Variants in HYKK observed in about 807,000 individuals in gnomAD.
HYKK encodes the protein hydroxylysine kinase, also known as 5-hydroxy-L-lysine kinase.
HYKK carries 19 observed loss-of-function variants against 29.7 expected under a neutral mutation model. That is an observed-to-expected ratio of 0.64 (90% CI 0.45 to 0.94). The LOEUF (loss-of-function observed/expected upper bound fraction) is 0.94, where lower values mean the gene tolerates loss of function less well. Ranked by LOEUF, HYKK falls within the 40% of genes least tolerant of loss-of-function variation. The probability of loss-of-function intolerance (pLI) is 0.00; values close to 1 mark genes in which losing one functional copy is unlikely to be tolerated. For missense variants in HYKK, 390 were observed against 443.4 expected (o/e 0.88, Z 1.08); for synonymous variants, 152 against 158.1 (o/e 0.96, Z 0.29).
At chr15:78,531,454 TA>T (rs2052311667) in intron 4 of HYKK, among the ~76,000 whole-genome samples, 1 of 152,214 alleles carries the variant, frequency 6.6e-6, no homozygotes, top group South Asian at 2.1e-4. Context: ...AAGCACATGT[TA>T]AAGTATATTT....
At position 78,515,141 on chromosome 15, in the gene HYKK, T is replaced by TAA. The variant is rs752986963; in HGVS notation, c.477+34_477+35insAA. The stretch of plus-strand genomic sequence containing the variant: ...TGGGGCTTTATTTTATTCTAAGGGA[T>TAA]GTTTGTTTGCTTGTTATTTTATTTT... On this transcript the variant is annotated intron_variant, in intron 3 of 4. Transcript: ENST00000388988. 184 of 1,473,130 alleles carry TAA rather than the reference T, an allele frequency of 1.2e-4. No homozygotes were observed. The African/African-American group carries it at 2.3e-3, about 18-fold the overall frequency. The allele number at this position is 1,473,130 out of a possible 1,614,324, so 91.3% of individuals were successfully genotyped here.
intron 2 of HYKK, among the ~76,000 whole-genome samples, chr15:78,513,939 G>T (rs1451927468): frequency 3.9e-5 from 6 of 152,066 alleles, no homozygotes; most frequent in African/African-American, 1.4e-4. Flanking sequence ...CTACAGGCAT[G>T]CATCACCACG....
At chr15:78,518,070 A>G (rs1478019353) in intron 3 of HYKK, among the ~76,000 whole-genome samples, 1 of 152,212 alleles carries the variant, frequency 6.6e-6, no homozygotes, top group East Asian at 1.9e-4. Flanking sequence ...TGGTCTCCCC[A>G]GACTCTCAAC....
At chr15:78,512,405 T>C (rs1218571451) in intron 1 of HYKK, among the ~76,000 whole-genome samples, 4 of 144,910 alleles carry the variant, frequency 2.8e-5, no homozygotes, top group Middle Eastern at 3.2e-3. Flanking sequence ...TTTTTCTTTT[T>C]TTTTTTTTTT....
chr15:78,516,993 T>G (rs1273954543), intron 3 of HYKK, among the ~76,000 whole-genome samples: 1 of 151,696 alleles, frequency 6.6e-6, no homozygotes, highest in Admixed American at 6.6e-5. Flanking sequence ...CACTCCAGCT[T>G]GGGTGACAGA....
chr15:78,513,240 A>G lies in HYKK; in HGVS notation c.152A>G (p.Tyr51Cys). ...PSYDDQNFHV[Y>C]VSKTKDGPTE... ...TATGATGACCAAAACTTTCATGTCT[A>G]CGTTTCAAAAACCAAAGATGGCCCA... The change falls in exon 2 of 5, where the codon TAC becomes TGC. Residue 51 changes from tyrosine to cysteine, a missense_variant. Tyr to Cys is a radical substitution (Grantham distance 194). Coordinates refer to ENST00000388988, the MANE Select transcript of HYKK (RefSeq NM_001013619.4). The G allele has an allele frequency of 2.5e-6, 4 of 1,614,212 alleles. No individual in the cohort carries two copies. The highest frequency in any genetic ancestry group is 3.4e-6 in the Non-Finnish European group (4 of 1,180,044).
chr15:78,520,715 G>A (rs2052184480), intron 3 of HYKK, among the ~76,000 whole-genome samples: 1 of 152,018 alleles, frequency 6.6e-6, no homozygotes, highest in African/African-American at 2.4e-5. Context: ...CCACAAAACC[G>A]CCATTGTCAT....
chr15:78,515,762 G>A (rs2052126519), intron 3 of HYKK, among the ~76,000 whole-genome samples: 1 of 151,960 alleles, frequency 6.6e-6, no homozygotes, highest in Non-Finnish European at 1.5e-5. Flanking sequence ...CTAATTTTTT[G>A]TATTTTTAGT....
rs771836129 is a variant in HYKK, at chr15:78,513,338, A to C, written c.250A>C (p.Ile84Leu). Residue 84 changes from isoleucine to leucine, a missense_variant, in exon 2 of 5, where the codon ATC (isoleucine) becomes CTC (leucine). Coordinates refer to ENST00000388988, the MANE Select transcript of HYKK (RefSeq NM_001013619.4). ...NPDLIEVQNH[I>L]IMFLKAAGFP... ...AGACCTGATTGAAGTGCAGAATCAC[A>C]TCATCATGTTTCTGAAAGCCGCTGG... is the stretch of plus-strand genomic sequence containing the variant. The C allele has an allele frequency of 6.2e-7, 1 of 1,614,120 alleles. No individual in the cohort carries two copies. Among genetic ancestry groups the C allele is most frequent in the African/African-American group, 1.3e-5 (1 of 74,952 alleles).
chr15:78,509,906 G>A (rs947269757), intron 1 of HYKK, among the ~76,000 whole-genome samples: 6 of 152,196 alleles, frequency 3.9e-5, no homozygotes, highest in Non-Finnish European at 2.9e-5. Flanking sequence ...TTGTCAAGAA[G>A]GCATTAACTT....
chr15:78,517,583 A>C (rs2052149457), intron 3 of HYKK, among the ~76,000 whole-genome samples: 1 of 152,174 alleles, frequency 6.6e-6, no homozygotes, highest in South Asian at 2.1e-4. Flanking sequence ...CATCTTAAAA[A>C]AAAAAGAAAA....
intron 3 of HYKK, among the ~76,000 whole-genome samples, chr15:78,517,118 TTTTTTTTTTTC>T (rs1246778544): frequency 6.7e-6 from 1 of 148,266 alleles, no homozygotes; most frequent in African/African-American, 2.5e-5. Flanking sequence ...TCTTTTTTTT[TTTTTTTTTTTC>T]GAGACAGAGT....
In HYKK at chr15:78,535,289, C is replaced by CTTTTTTTTTTTTTTTT. The variant is rs58709975; in HGVS notation, c.*1634_*1635insTTTTTTTTTTTTTTTT. On this transcript the variant is annotated 3_prime_UTR_variant, in exon 5 of 5. Transcript: ENST00000388988. Reference sequence around the variant, plus strand: ...ATTTCTTTTTCTTTTCTTTTCTTTTCTTTTTTTTTTTTTTTGGTGGTGGGG... The same window carrying CTTTTTTTTTTTTTTTT: ...ATTTCTTTTTCTTTTCTTTTCTTTTCTTTTTTTTTTTTTTTTTTTTTTTTTTTTTTTGGTGGTGGGG... The CTTTTTTTTTTTTTTTT allele has an allele frequency of 7.6e-6, 1 of 130,964 alleles. No homozygotes were observed. Among genetic ancestry groups the CTTTTTTTTTTTTTTTT allele is most frequent in the African/African-American group, 2.9e-5 (1 of 34,982 alleles). The allele number at this position is 130,964 out of a possible 1,614,324, so 8.1% of individuals were successfully genotyped here.
At chr15:78,515,442 G>T (rs2052121555) in intron 3 of HYKK, among the ~76,000 whole-genome samples, 1 of 152,088 alleles carries the variant, frequency 6.6e-6, no homozygotes, top group Admixed American at 6.6e-5. Context: ...AAAATTTAGG[G>T]CATGGTGGCG....
In HYKK at chr15:78,527,550, T is replaced by G; in HGVS notation, c.648T>G (p.Ser216Arg). 1 of 1,613,890 alleles carries G rather than the reference T, an allele frequency of 6.2e-7. No homozygotes were observed. Among genetic ancestry groups the G allele is most frequent in the Non-Finnish European group, 8.5e-7 (1 of 1,179,828 alleles). ...AGGAGGAAGTAATGACCAAATTAAG[T>G]CATTTTCGAGAATGTGAGTATTCTC... ...LFKEEVMTKL[S>R]HFRECINHGD... Residue 216 changes from serine (S) to arginine (R), a missense_variant, in exon 4 of 5, where the codon AGT (serine) becomes AGG (arginine). Transcript: ENST00000388988.
Position 78,533,446 on chromosome 15 carries a change from G to A in HYKK, c.898G>A (p.Val300Ile), listed in dbSNP as rs755534357. ...TGAAAGCATCACCCCACTGACAGCT[G>A]TAGAGAAGGGTGCTTTGTTTTTACT... ...GFESITPLTAVEKGALFLLVC... is the reference protein window; with the variant it reads ...GFESITPLTAIEKGALFLLVC... The change falls in exon 5 of 5, where the codon GTA (valine) becomes ATA (isoleucine). Residue 300 changes from valine to isoleucine, a missense_variant. Transcript: ENST00000388988. 7.4e-6 allele frequency: 12 copies of A among 1,614,066 alleles called. No homozygotes were observed. The highest frequency in any genetic ancestry group is 8.5e-6 in the Non-Finnish European group (10 of 1,180,028).
At chr15:78,521,268 T>A (rs933419991) in intron 3 of HYKK, among the ~76,000 whole-genome samples, 11 of 151,998 alleles carry the variant, frequency 7.2e-5, no homozygotes, top group Admixed American at 2.0e-4. Context: ...GGTTGCCATT[T>A]GGTCCTCAGA....
At chr15:78,526,005 G>C (rs76918522) in intron 3 of HYKK, among the ~76,000 whole-genome samples, 66 of 152,270 alleles carry the variant, frequency 4.3e-4, no homozygotes, top group African/African-American at 1.5e-3. Flanking sequence ...TGTGAAAGAG[G>C]TCTCAACTGT....
At chr15:78,526,366 G>A (rs547723104) in intron 3 of HYKK, among the ~76,000 whole-genome samples, 11 of 152,316 alleles carry the variant, frequency 7.2e-5, no homozygotes, top group South Asian at 6.2e-4. Context: ...TTAGCAATAA[G>A]TGGTAAGAAG....
Sources: allele counts gnomAD v4.1 joint callset (sites outside exome capture counted in the v4.1 genomes callset), GRCh38; gene constraint gnomAD v4.1.1; transcripts MANE v1.5; gene names NCBI Gene and HGNC (gene_info 2026-07-23, HGNC 2026-07-21).